Variants in ARHGAP5 observed in about 807,000 individuals in gnomAD.
ARHGAP5 encodes the protein rho GTPase-activating protein 5.
Under a neutral mutation model 116.6 loss-of-function variants are expected in ARHGAP5, and 23 were observed. The ratio of observed to expected loss-of-function variants is 0.20; its 90% CI spans 0.14 to 0.28. ARHGAP5 has a LOEUF of 0.28. Among genes scored for constraint, ARHGAP5 ranks in the 10% least tolerant of loss-of-function variants. ARHGAP5 has a pLI of 1.00. For missense variants in ARHGAP5, 1,405 were observed against 1,774.8 expected (o/e 0.79, Z 3.74); for synonymous variants, 574 against 602.0 (o/e 0.95, Z 0.68).
At chr14:32,086,034 A>G (rs1047259724) in intron 1 of ARHGAP5, among the ~76,000 whole-genome samples, 1 of 152,186 alleles carries the variant, frequency 6.6e-6, no homozygotes. Context: ...TACTGGTGAA[A>G]TAAAGATTTG....
Position 32,157,182 on chromosome 14 carries a change from A to G in ARHGAP5, c.*2234A>G, listed in dbSNP as rs1881927902. ...GTTTGGTTCAATTAACCAGTAGGTT[A>G]CAGTTATTGAAAATTAAAGTACAGT... is the stretch of plus-strand genomic sequence containing the variant. On this transcript the variant is annotated 3_prime_UTR_variant, in exon 7 of 7. Transcript: ENST00000345122. 1 of 152,388 alleles carries G rather than the reference A, an allele frequency of 6.6e-6. No individual in the cohort carries two copies. Among genetic ancestry groups the G allele is most frequent in the Non-Finnish European group, 1.5e-5 (1 of 67,798 alleles). 9.4% of individuals were successfully genotyped at this position (152,388 alleles called of 1,614,324 possible).
At chr14:32,115,706 T>G (rs1879531206) in intron 2 of ARHGAP5, among the ~76,000 whole-genome samples, 1 of 142,182 alleles carries the variant, frequency 7.0e-6, no homozygotes, top group Non-Finnish European at 1.5e-5. Flanking sequence ...GTGCTGTGGC[T>G]CATGCATGTA....
At chr14:32,077,567 C>G in intron 1 of ARHGAP5, 132 bp downstream of exon 1, 1 of 549,726 alleles carries the variant, frequency 1.8e-6, no homozygotes, top group Non-Finnish European at 3.2e-6. Flanking sequence ...GCCCCGCGGC[C>G]GCCGAGGGGA....
At chr14:32,140,580 ACT>A (rs2139127370) in intron 3 of ARHGAP5, among the ~76,000 whole-genome samples, 1 of 152,064 alleles carries the variant, frequency 6.6e-6, no homozygotes, top group South Asian at 2.1e-4. Context: ...ACAGAGTGAG[ACT>A]CTGTCTCAAA....
At chr14:32,128,286 G>A (rs1046568063) in intron 3 of ARHGAP5, among the ~76,000 whole-genome samples, 10 of 152,330 alleles carry the variant, frequency 6.6e-5, no homozygotes, top group Middle Eastern at 3.4e-3. Context: ...GGTGGCGGCC[G>A]GGCAGAGGCC....
intron 3 of ARHGAP5, among the ~76,000 whole-genome samples, chr14:32,120,175 GT>G (rs1381702089): frequency 6.6e-6 from 1 of 151,972 alleles, no homozygotes; most frequent in African/African-American, 2.4e-5. Context: ...AGCATTGGTT[GT>G]TTGTGTGTTT....
intron 3 of ARHGAP5, among the ~76,000 whole-genome samples, chr14:32,134,744 A>G (rs1880695053): frequency 6.6e-6 from 1 of 152,190 alleles, no homozygotes; most frequent in South Asian, 2.1e-4. Flanking sequence ...ATGTCTCATC[A>G]TAGTATGTCT....
rs186905357 is a variant in ARHGAP5, at chr14:32,103,068, A to G, written c.3717+8682A>G. On this transcript the variant is annotated intron_variant, in intron 2 of 6. Transcript: ENST00000345122. ...TTAGGCTTTCTTCAGTACCATTTCT[A>G]TTGCTTTCTTCCTGGGTAACTGGCT... Among the ~76,000 whole-genome samples the G allele has an allele frequency of 2.0e-4, 31 of 152,298 alleles. No individual in the cohort carries two copies. The East Asian group carries it at 2.5e-3, about 12-fold the overall frequency.
rs1425490442 is a variant in ARHGAP5 at position 32,156,525 on chromosome 14, A to AT, written c.*1579dup. On this transcript the variant is annotated 3_prime_UTR_variant, in exon 7 of 7. Coordinates refer to ENST00000345122, the MANE Select transcript of ARHGAP5 (RefSeq NM_001030055.2). ...CTGTTGAAGTACATGTATATTATAA[A>AT]TTATCTTATTTGTGTTATACTCTTA... 2 of 152,308 alleles carry AT rather than the reference A, an allele frequency of 1.3e-5. No homozygotes were observed. Among genetic ancestry groups the AT allele is most frequent in the Non-Finnish European group, 2.9e-5 (2 of 67,800 alleles). The allele number at this position is 152,308 out of a possible 1,614,324, so 9.4% of individuals were successfully genotyped here. A position where few individuals can be genotyped will look rare whatever the true frequency, so the allele number is the denominator to read the frequency against.
chr14:32,104,108 T>C (rs77758825), intron 2 of ARHGAP5, among the ~76,000 whole-genome samples: 1 of 152,170 alleles, frequency 6.6e-6, no homozygotes, highest in East Asian at 1.9e-4. Context: ...TCTAAAGGCC[T>C]GTGGATCCCA....
intron 3 of ARHGAP5, among the ~76,000 whole-genome samples, chr14:32,131,122 A>G (rs764897523): frequency 2.6e-5 from 4 of 152,172 alleles, no homozygotes; most frequent in Non-Finnish European, 5.9e-5. Context: ...TATTGATACA[A>G]TTCTATTGTC....
At chr14:32,110,122 A>G (rs1191455631) in intron 2 of ARHGAP5, among the ~76,000 whole-genome samples, 2 of 151,720 alleles carry the variant, frequency 1.3e-5, no homozygotes, top group Non-Finnish European at 2.9e-5. Flanking sequence ...TTTATTTCAT[A>G]GTGTTCCAGA....
At chr14:32,096,623 A>G (rs1474088969) in intron 2 of ARHGAP5, among the ~76,000 whole-genome samples, 1 of 152,242 alleles carries the variant, frequency 6.6e-6, no homozygotes. Context: ...CTAAACAAAT[A>G]TGCTTCAAAT....
chr14:32,109,301 AAAG>A (rs1451395791), intron 2 of ARHGAP5, among the ~76,000 whole-genome samples: 1 of 152,006 alleles, frequency 6.6e-6, no homozygotes, highest in Non-Finnish European at 1.5e-5. Context: ...GCAAAGAAAA[AAAG>A]AAAAAGGAAG....
In ARHGAP5 at chr14:32,092,703, A is replaced by G. The variant is rs191278032; in HGVS notation, c.2034A>G (p.Ile678Met). ...TTATTGGGGAATTTATTGGGAAAAT[A>G]AGAACTGAAGCTTCTCAGATCAGAA... ...LSFIGEFIGK[I>M]RTEASQIRKD... The change falls in exon 2 of 7, where the codon ATA becomes ATG. Residue 678 changes from isoleucine (I) to methionine (M), a missense_variant. Around this residue, in one of 6 missense-constraint regions of ARHGAP5, gnomAD observed 944 missense variants for 1,095.3 expected, o/e 0.86. Transcript: ENST00000345122. This position sits in a 1 kb window ranked among gnomAD's most constrained non-coding sequence, Gnocchi z 4.1. The G allele has an allele frequency of 1.0e-4, 164 of 1,613,832 alleles. No homozygotes were observed. Among genetic ancestry groups the G allele is most frequent in the Non-Finnish European group, 1.3e-4 (154 of 1,179,862 alleles).
At chr14:32,095,412 T>TG (rs202085227) in intron 2 of ARHGAP5, among the ~76,000 whole-genome samples, 1,701 of 150,310 alleles carry the variant, frequency 0.011, 32 homozygotes, top group African/African-American at 0.039. Flanking sequence ...TTTTTTTTTT[T>TG]TTTGTTTTTT....
intron 3 of ARHGAP5, among the ~76,000 whole-genome samples, chr14:32,120,938 C>T (rs1322483164): frequency 6.7e-6 from 1 of 150,212 alleles, no homozygotes; most frequent in East Asian, 2.0e-4. Flanking sequence ...TTGTGTGTTT[C>T]TCCTTTCAGT....
chr14:32,095,238 T>C (rs1037124145), intron 2 of ARHGAP5, among the ~76,000 whole-genome samples: 2 of 152,124 alleles, frequency 1.3e-5, no homozygotes, highest in Non-Finnish European at 2.9e-5. Context: ...TCATACCCAA[T>C]TAAAGGTGTC....
At chr14:32,133,145 G>A (rs1302947963) in intron 3 of ARHGAP5, among the ~76,000 whole-genome samples, 2 of 152,122 alleles carry the variant, frequency 1.3e-5, no homozygotes, top group Non-Finnish European at 2.9e-5. Flanking sequence ...AGCTTGATGG[G>A]GGTGGCATTG....
Sources: allele counts gnomAD v4.1 joint callset (sites outside exome capture counted in the v4.1 genomes callset), GRCh38; gene constraint gnomAD v4.1.1; regional missense constraint gnomAD v4.1.1; non-coding constraint Gnocchi (gnomAD v3.1); transcripts MANE v1.5; gene names NCBI Gene and HGNC (gene_info 2026-07-23, HGNC 2026-07-21).